The following SPMIP10 variants were observed in gnomAD, a reference collection of about 807,000 sequenced individuals.
The protein encoded by SPMIP10 is sperm-associated microtubule inner protein 10.
chr5:126,634,025 TAGTG>T, the SPMIP10 span, among the ~76,000 whole-genome samples: 58 of 152,314 alleles, frequency 3.8e-4, no homozygotes, highest in African/African-American at 1.3e-3. Context: ...CTGTAGAAGA[TAGTG>T]AGACCATTCT....
At chr5:126,636,010 A>G in the SPMIP10 span, 24 of 1,579,300 alleles carry the variant, frequency 1.5e-5, no homozygotes, top group Admixed American at 3.9e-4. Context: ...TGTGATACAC[A>G]GAAGATTTTC....
the SPMIP10 span, chr5:126,636,110 G>A: frequency 1.2e-6 from 2 of 1,614,048 alleles, no homozygotes; most frequent in Non-Finnish European, 1.7e-6. Context: ...GCTTTGCCAT[G>A]GGGAAGATCG....
the SPMIP10 span, among the ~76,000 whole-genome samples, chr5:126,631,978 T>A: frequency 6.6e-6 from 1 of 152,146 alleles, no homozygotes; most frequent in Admixed American, 6.6e-5. Context: ...AAATCTGACC[T>A]GAGTGTAGAG....
the SPMIP10 span, chr5:126,631,940 C>A: frequency 3.1e-6 from 2 of 653,250 alleles, no homozygotes; most frequent in East Asian, 2.8e-5. Flanking sequence ...CTTTATGTTC[C>A]AGAGGGAAAT....
At chr5:126,635,646 A>C in the SPMIP10 span, among the ~76,000 whole-genome samples, 1 of 152,160 alleles carries the variant, frequency 6.6e-6, no homozygotes. Context: ...CTTCCTTCTC[A>C]ACAAGGATAG....
the SPMIP10 span, among the ~76,000 whole-genome samples, chr5:126,633,115 A>C: frequency 1.3e-5 from 2 of 151,168 alleles, no homozygotes; most frequent in East Asian, 3.9e-4. Context: ...ACAAATGTTA[A>C]ATAGTAATAT....
At chr5:126,633,492 T>TG in the SPMIP10 span, among the ~76,000 whole-genome samples, 1 of 152,088 alleles carries the variant, frequency 6.6e-6, no homozygotes, top group South Asian at 2.1e-4. Flanking sequence ...CCCAAGTAGC[T>TG]GGGATTACAG....
At chr5:126,632,546 G>A in the SPMIP10 span, 4 of 1,540,064 alleles carry the variant, frequency 2.6e-6, no homozygotes, top group Non-Finnish European at 3.6e-6. Context: ...TAATCATCAG[G>A]TATGAAGAGA....
chr5:126,631,881 A>G, the SPMIP10 span: 8 of 1,008,738 alleles, frequency 7.9e-6, no homozygotes, highest in African/African-American at 1.6e-5. Context: ...GGGAGCCACA[A>G]AGATACGGTC....
At chr5:126,634,386 G>T in the SPMIP10 span, among the ~76,000 whole-genome samples, 1 of 151,970 alleles carries the variant, frequency 6.6e-6, no homozygotes, top group Non-Finnish European at 1.5e-5. Flanking sequence ...GCCAGATCAC[G>T]CCACTGCACT....
the SPMIP10 span, chr5:126,635,941 C>T: frequency 4.6e-6 from 5 of 1,095,702 alleles, no homozygotes; most frequent in Non-Finnish European, 6.8e-6. Flanking sequence ...GGATTACAGG[C>T]ATGAGCCATG....
the SPMIP10 span, chr5:126,632,582 G>A: frequency 6.2e-7 from 1 of 1,611,702 alleles, no homozygotes; most frequent in Non-Finnish European, 8.5e-7. Flanking sequence ...TTTCATTAAA[G>A]CAAGGGATGA....
the SPMIP10 span, among the ~76,000 whole-genome samples, chr5:126,635,312 G>GTTAT: frequency 1.3e-5 from 2 of 151,912 alleles, no homozygotes; most frequent in Non-Finnish European, 2.9e-5. Context: ...TCAAACAGTT[G>GTTAT]TTATTTATTT....
At chr5:126,631,954 T>G in the SPMIP10 span, 2 of 619,778 alleles carry the variant, frequency 3.2e-6, no homozygotes, top group South Asian at 4.0e-5. Flanking sequence ...GGGAAATATG[T>G]GTGCAGGGAA....
chr5:126,636,005 T>G, the SPMIP10 span: 4 of 1,551,354 alleles, frequency 2.6e-6, no homozygotes. Flanking sequence ...TTTGATGTGA[T>G]ACACAGAAGA....
At chr5:126,634,157 C>T in the SPMIP10 span, among the ~76,000 whole-genome samples, 29 of 151,946 alleles carry the variant, frequency 1.9e-4, 1 homozygote, top group African/African-American at 7.2e-5. Flanking sequence ...TTCTGGCTGG[C>T]GTGGTGGCTC....
the SPMIP10 span, chr5:126,632,457 T>C: frequency 2.7e-6 from 2 of 753,950 alleles, no homozygotes; most frequent in Non-Finnish European, 4.7e-6. Context: ...GGACCAAACA[T>C]GAATGCACAA....
At chr5:126,636,098 A>G in the SPMIP10 span, 1 of 1,614,132 alleles carries the variant, frequency 6.2e-7, no homozygotes, top group South Asian at 1.1e-5. Flanking sequence ...TCACAGTGAA[A>G]GGCTTTGCCA....
At chr5:126,636,141 G>C in the SPMIP10 span, 1 of 1,614,048 alleles carries the variant, frequency 6.2e-7, no homozygotes, top group Non-Finnish European at 8.5e-7. Flanking sequence ...TTCCAAAAAG[G>C]CCCACCAGAA....
Sources: allele counts gnomAD v4.1 joint callset (sites outside exome capture counted in the v4.1 genomes callset), GRCh38; gene constraint gnomAD v4.1.1; transcripts MANE v1.5; gene names NCBI Gene and HGNC (gene_info 2026-07-23, HGNC 2026-07-21).